Variants in TRAM2 observed in about 807,000 individuals in gnomAD.
TRAM2 encodes the protein translocating chain-associated membrane protein 2.
TRAM2 carries 12 observed loss-of-function variants against 51.0 expected under a neutral mutation model. The observed-to-expected ratio is 0.24, with a 90% CI of 0.15 to 0.38. The LOEUF (loss-of-function observed/expected upper bound fraction) is 0.38. Among genes scored for constraint, TRAM2 ranks in the 10% least tolerant of loss-of-function variants. The pLI, the probability that TRAM2 is intolerant of heterozygous loss-of-function variation, is 1.00. For synonymous variants in TRAM2, 175 were observed against 179.4 expected, an observed-to-expected ratio of 0.98 and a Z score of 0.20; for missense variants, 361 against 462.0, an observed-to-expected ratio of 0.78 and a Z score of 2.00.
chr6:52,524,687 G>A (rs1472878520), intron 2 of TRAM2: 1 of 152,194 alleles, frequency 6.6e-6, no homozygotes, highest in Non-Finnish European at 1.5e-5. Context: ...CAATTTTTAA[G>A]TAAGTCTTCA....
intron 8 of TRAM2, 82 bp downstream of exon 8, chr6:52,505,950 G>A: frequency 1.3e-6 from 2 of 1,512,710 alleles, no homozygotes; most frequent in East Asian, 2.3e-5. Flanking sequence ...TGCAACCAGG[G>A]AGGGACCCTC....
At chr6:52,508,808 T>TG (rs1307846223) in intron 5 of TRAM2, among the ~76,000 whole-genome samples, 7 of 151,832 alleles carry the variant, frequency 4.6e-5, no homozygotes, top group Non-Finnish European at 1.0e-4. Context: ...CTGAGGCAGG[T>TG]GGATCACCTG....
chr6:52,540,380 G>T (rs1422720344), intron 1 of TRAM2, among the ~76,000 whole-genome samples: 1 of 152,134 alleles, frequency 6.6e-6, no homozygotes, highest in Non-Finnish European at 1.5e-5. Context: ...GCAAAGAAAA[G>T]AAGCAAGGAA....
At chr6:52,565,417 G>A (rs1395586085) in intron 1 of TRAM2, among the ~76,000 whole-genome samples, 2 of 152,140 alleles carry the variant, frequency 1.3e-5, no homozygotes, top group East Asian at 3.8e-4. Flanking sequence ...GACGGCTGCG[G>A]GCTTCGGTTC....
chr6:52,501,610 A>G lies in TRAM2; in HGVS notation c.*1587T>C, dbSNP rs889190316. On this transcript the variant is annotated 3_prime_UTR_variant, in exon 11 of 11. Transcript: ENST00000182527. ...TGTCCAGGCTGGAGTGCCATGGTAC[A>G]ATCTCCGCTCACTGCAACCTCCGCC... 3.3e-5 allele frequency: 5 copies of G among 152,172 alleles called. No individual in the cohort carries two copies. The highest frequency in any genetic ancestry group is 1.2e-4 in the African/African-American group (5 of 41,420). 9.4% of individuals were successfully genotyped at this position (152,172 alleles called of 1,614,324 possible). A position where few individuals can be genotyped will look rare whatever the true frequency, so the allele number is the denominator to read the frequency against.
At chr6:52,535,468 G>T (rs979005153) in intron 2 of TRAM2, among the ~76,000 whole-genome samples, 2 of 152,128 alleles carry the variant, frequency 1.3e-5, no homozygotes, top group African/African-American at 4.8e-5. Flanking sequence ...AGATCACGAG[G>T]TCACGAGTTC....
At chr6:52,557,664 T>G (rs2114101543) in intron 1 of TRAM2, among the ~76,000 whole-genome samples, 1 of 152,168 alleles carries the variant, frequency 6.6e-6, no homozygotes, top group East Asian at 1.9e-4. Flanking sequence ...CAACTGAGCC[T>G]CAAATCTGCA....
chr6:52,551,374 G>C (rs1767305521), intron 1 of TRAM2, among the ~76,000 whole-genome samples: 1 of 152,184 alleles, frequency 6.6e-6, no homozygotes, highest in Non-Finnish European at 1.5e-5. Context: ...TGCCACACAG[G>C]GTTGCTTGGA....
intron 2 of TRAM2, among the ~76,000 whole-genome samples, chr6:52,531,511 T>G (rs1358034211): frequency 6.6e-6 from 1 of 152,242 alleles, no homozygotes; most frequent in African/African-American, 2.4e-5. Context: ...AGGCCTGTTC[T>G]GGGCCTGGAG....
intron 2 of TRAM2, among the ~76,000 whole-genome samples, chr6:52,518,654 G>T (rs1286234076): frequency 2.6e-5 from 4 of 152,034 alleles, no homozygotes; most frequent in African/African-American, 7.2e-5. Context: ...ACTGAGGACC[G>T]AAGGGCTGGG....
intron 4 of TRAM2, among the ~76,000 whole-genome samples, chr6:52,511,963 TGGC>T (rs1766459609): frequency 1.3e-5 from 2 of 152,030 alleles, no homozygotes; most frequent in South Asian, 2.1e-4. Flanking sequence ...GCGTGTGTGG[TGGC>T]GGTGACAGTT....
At chr6:52,555,774 G>A (rs1417432247) in intron 1 of TRAM2, among the ~76,000 whole-genome samples, 1 of 151,920 alleles carries the variant, frequency 6.6e-6, no homozygotes, top group Admixed American at 6.6e-5. Flanking sequence ...CTATTGAGTG[G>A]GAAAAAAATC....
intron 1 of TRAM2, among the ~76,000 whole-genome samples, chr6:52,551,146 T>C (rs1581697195): frequency 6.6e-6 from 1 of 151,658 alleles, no homozygotes; most frequent in African/African-American, 2.4e-5. Flanking sequence ...CAGGAGGAGG[T>C]GAATATAGGA....
At chr6:52,515,637 A>G (rs930671213) in intron 4 of TRAM2, among the ~76,000 whole-genome samples, 3 of 152,254 alleles carry the variant, frequency 2.0e-5, no homozygotes, top group Non-Finnish European at 2.9e-5. Flanking sequence ...AATCTGTAAC[A>G]TGGGTATCAG....
chr6:52,508,344 G>C lies in TRAM2; in HGVS notation c.471-26C>G, dbSNP rs184247749. On this transcript the variant is annotated intron_variant, in intron 5 of 10. Transcript: ENST00000182527. The stretch of plus-strand genomic sequence containing the variant: ...CTGGAGACAAGGGGGCAAGTCACAC[G>C]GGCAGGATAGAGAAAAGTGTCCCTG... The C allele has an allele frequency of 2.5e-4, 405 of 1,608,244 alleles. 2 individuals carry two copies. Among genetic ancestry groups the C allele is most frequent in the Non-Finnish European group, 2.3e-4 (274 of 1,175,990 alleles).
intron 1 of TRAM2, among the ~76,000 whole-genome samples, chr6:52,562,896 G>A (rs1767523960): frequency 6.6e-6 from 1 of 152,190 alleles, no homozygotes; most frequent in African/African-American, 2.4e-5. Flanking sequence ...ATTTTCATGG[G>A]TATACAGTAA....
intron 1 of TRAM2, among the ~76,000 whole-genome samples, chr6:52,543,049 T>C (rs1198785715): frequency 2.0e-5 from 3 of 152,256 alleles, no homozygotes; most frequent in Non-Finnish European, 4.4e-5. Flanking sequence ...ATGCAATTTA[T>C]GCTGGTATAG....
At chr6:52,525,392 G>A (rs1293219508) in intron 2 of TRAM2, among the ~76,000 whole-genome samples, 1 of 152,178 alleles carries the variant, frequency 6.6e-6, no homozygotes, top group Admixed American at 6.5e-5. Context: ...TCCCTCTGTG[G>A]CCTCCCAACC....
At chr6:52,538,679 C>A (rs1416362264) in intron 1 of TRAM2, among the ~76,000 whole-genome samples, 3 of 152,216 alleles carry the variant, frequency 2.0e-5, no homozygotes, top group Non-Finnish European at 4.4e-5. Flanking sequence ...CTCTTTGGGG[C>A]ATGGGCATTT....
Sources: allele counts gnomAD v4.1 joint callset (sites outside exome capture counted in the v4.1 genomes callset), GRCh38; gene constraint gnomAD v4.1.1; transcripts MANE v1.5; gene names NCBI Gene and HGNC (gene_info 2026-07-23, HGNC 2026-07-21).